The following LRRK1 variants were observed in gnomAD, a reference collection of about 807,000 sequenced individuals.
The protein encoded by LRRK1 is leucine rich repeat kinase 1.
In LRRK1, 113 loss-of-function variants were observed where a neutral mutation model predicts 209.1. That is an observed-to-expected ratio of 0.54 (90% CI 0.46 to 0.63). The LOEUF is 0.63. Ranked by LOEUF, LRRK1 falls within the 30% of genes least tolerant of loss-of-function variation. The probability of loss-of-function intolerance (pLI) is 0.00; values close to 1 mark genes in which losing one functional copy is unlikely to be tolerated. For missense variants in LRRK1, 2,284 were observed against 2,632.2 expected, an observed-to-expected ratio of 0.87 and a Z score of 2.89; for synonymous variants, 1,144 against 1,099.7, an observed-to-expected ratio of 1.04 and a Z score of -0.80.
intron 6 of LRRK1, among the ~76,000 whole-genome samples, chr15:101,000,306 CT>C (rs56086100): frequency 0.25 from 37,786 of 152,114 alleles, 4,980 homozygotes; most frequent in East Asian, 0.51. Context: ...AGCAGGAATG[CT>C]TTTGGCTTTC....
rs2036681825 is a variant in LRRK1, at chr15:101,068,998, A to C, written c.*150A>C. ...TGCTGCTAAGAAGTGCTGAGAAGTT[A>C]CTCGCCTGGCGGTGGCTCCAGGGTT... On this transcript the variant is annotated 3_prime_UTR_variant, in exon 34 of 34. Coordinates refer to ENST00000388948, the MANE Select transcript of LRRK1 (RefSeq NM_024652.6). The C allele has an allele frequency of 1.4e-6, 1 of 739,642 alleles. No homozygotes were observed. The highest frequency in any genetic ancestry group is 2.0e-6 in the Non-Finnish European group (1 of 494,532). 45.8% of individuals were successfully genotyped at this position (739,642 alleles called of 1,614,324 possible).
chr15:101,054,166 C>G (rs779182311), intron 26 of LRRK1, among the ~76,000 whole-genome samples: 1 of 152,246 alleles, frequency 6.6e-6, no homozygotes, highest in African/African-American at 2.4e-5. Context: ...GTAGAGATGG[C>G]CTTTCACCCT....
rs2033942417 is a variant in LRRK1, at chr15:101,024,708, A to G, written c.2068-95A>G. 3 of 1,335,574 alleles carry G rather than the reference A, an allele frequency of 2.2e-6. No individual in the cohort carries two copies. The highest frequency in any genetic ancestry group is 3.1e-6 in the Non-Finnish European group (3 of 965,080). The allele number at this position is 1,335,574 out of a possible 1,614,324, so 82.7% of individuals were successfully genotyped here. The stretch of plus-strand genomic sequence containing the variant: ...CCACGGTTGTTTTTTCAGACCCCCG[A>G]GTCCAGCCTCCAGAGTTATCCGTTG... On this transcript the variant is annotated intron_variant, in intron 15 of 33. Coordinates refer to ENST00000388948, the MANE Select transcript of LRRK1 (RefSeq NM_024652.6). This position sits in a 1 kb window ranked among gnomAD's most constrained non-coding sequence, Gnocchi z 4.6.
intron 2 of LRRK1, among the ~76,000 whole-genome samples, chr15:100,951,211 T>C (rs2042644800): frequency 6.6e-6 from 1 of 152,204 alleles, no homozygotes; most frequent in Admixed American, 6.5e-5. Flanking sequence ...TTAATCATTA[T>C]GGAAATGCGA....
Position 101,022,191 on chromosome 15 carries a change from T to C in LRRK1, c.1853-192T>C. ...TCCTGGGCAGCAAGGATTTTGTCCA[T>C]AGGTTCTTGCCTCTTAGAGTTCGCT... On this transcript the variant is annotated intron_variant, in intron 14 of 33. Transcript: ENST00000388948. This position sits in a 1 kb window ranked among gnomAD's most constrained non-coding sequence, Gnocchi z 4.0. The C allele has an allele frequency of 3.1e-6, 2 of 647,222 alleles. No homozygotes were observed. The highest frequency in any genetic ancestry group is 3.9e-5 in the South Asian group (2 of 51,200). 40.1% of individuals were successfully genotyped at this position (647,222 alleles called of 1,614,324 possible).
intron 2 of LRRK1, among the ~76,000 whole-genome samples, chr15:100,946,241 AG>A (rs1417563421): frequency 6.6e-6 from 1 of 152,234 alleles, no homozygotes; most frequent in African/African-American, 2.4e-5. Context: ...ACATGGAAAA[AG>A]TATAATAAAT....
intron 6 of LRRK1, among the ~76,000 whole-genome samples, chr15:101,003,430 C>T (rs570849586): frequency 7.2e-5 from 11 of 152,252 alleles, no homozygotes; most frequent in African/African-American, 2.4e-4. Flanking sequence ...GTATTATTCT[C>T]TTTTTACACT....
At chr15:101,041,088 T>C (rs2034732426) in intron 20 of LRRK1, among the ~76,000 whole-genome samples, 1 of 152,256 alleles carries the variant, frequency 6.6e-6, no homozygotes, top group Non-Finnish European at 1.5e-5. Context: ...TGGTTACATA[T>C]ACACATTGGT....
rs1429099011 is a variant in LRRK1 at position 100,951,007 on chromosome 15, G to C, written c.98-22797G>C. On this transcript the variant is annotated intron_variant, in intron 2 of 33. Coordinates refer to ENST00000388948, the MANE Select transcript of LRRK1 (RefSeq NM_024652.6). ...AGTCCCAGCTATTTGGGAGGCTGAG[G>C]CAGGAGAATGGCGTGAACCCGGGAG... Among the ~76,000 whole-genome samples the C allele has an allele frequency of 3.3e-5, 5 of 152,216 alleles. No individual in the cohort carries two copies. In the East Asian group the frequency reaches 7.7e-4, roughly 23 times the overall value.
intron 2 of LRRK1, among the ~76,000 whole-genome samples, 154 bp downstream of exon 2, chr15:100,924,883 C>G (rs113298274): frequency 0.011 from 1,702 of 152,214 alleles, 37 homozygotes; most frequent in African/African-American, 0.039. Context: ...TATCTTGGGA[C>G]TCTTAAATTC....
chr15:101,058,251 T>C, intron 29 of LRRK1, 110 bp downstream of exon 29: 1 of 1,136,830 alleles, frequency 8.8e-7, no homozygotes. Flanking sequence ...TAGCAGACGG[T>C]AGGGTCCAGA....
rs1462101216 is a variant in LRRK1 at position 100,926,584 on chromosome 15, G to A, written c.97+1855G>A. Among the ~76,000 whole-genome samples the A allele has an allele frequency of 3.4e-4, 22 of 65,152 alleles. 1 individual carries two copies. Among genetic ancestry groups the A allele is most frequent in the African/African-American group, 1.2e-4 (2 of 17,160 alleles). 42.7% of individuals were successfully genotyped at this position (65,152 alleles called of 152,430 possible). On this transcript the variant is annotated intron_variant, in intron 2 of 33. Coordinates refer to ENST00000388948, the MANE Select transcript of LRRK1 (RefSeq NM_024652.6). ...CCTGGCACCACCTGGACCCACTGGA[G>A]CAGCATCTTGGGGCAGGGGGGCGGG...
At chr15:100,953,915 TTTG>T (rs991760055) in intron 2 of LRRK1, among the ~76,000 whole-genome samples, 1 of 151,868 alleles carries the variant, frequency 6.6e-6, no homozygotes, top group African/African-American at 2.4e-5. Context: ...GTTTGTTTGT[TTTG>T]TTGTTGTTGT....
In LRRK1 at chr15:101,062,703, C is replaced by G. The variant is rs910550341; in HGVS notation, c.4914+13C>G. 1.9e-6 allele frequency: 3 copies of G among 1,578,112 alleles called. No individual in the cohort carries two copies. In the African/African-American group the frequency reaches 4.0e-5, roughly 21 times the overall value. On this transcript the variant is annotated intron_variant, in intron 31 of 33. Coordinates refer to ENST00000388948, the MANE Select transcript of LRRK1 (RefSeq NM_024652.6). Reference sequence around the variant, plus strand: ...TGTTATTAAAAAGGTGAGGTCGGGGCAAAGGCAGGTATGCAGGTCTCTGAT... The same window carrying G: ...TGTTATTAAAAAGGTGAGGTCGGGGGAAAGGCAGGTATGCAGGTCTCTGAT...
chr15:100,922,828 C>G lies in LRRK1; in HGVS notation c.-122-1683C>G, dbSNP rs189467235. 2.3e-5 allele frequency among the ~76,000 whole-genome samples: 3 copies of G among 129,078 alleles called. No homozygotes were observed. In the East Asian group the frequency reaches 5.9e-4, roughly 25 times the overall value. 84.7% of individuals were successfully genotyped at this position (129,078 alleles called of 152,430 possible). A position where few individuals can be genotyped will look rare whatever the true frequency, so the allele number is the denominator to read the frequency against. ...CCACACGTGGTTTGTGTCGACCATC[C>G]CTTTTGCCTCTGAAACATGTGCAGC... On this transcript the variant is annotated intron_variant, in intron 1 of 33. Transcript: ENST00000388948.
At chr15:101,008,673 C>A (rs768024459) in intron 6 of LRRK1, among the ~76,000 whole-genome samples, 164 bp from the exon 7 acceptor site, 6 of 152,226 alleles carry the variant, frequency 3.9e-5, no homozygotes, top group Non-Finnish European at 8.8e-5. Context: ...CACCCACCAC[C>A]GTGGCAGGTG....
chr15:100,947,655 A>G (rs1191959596), intron 2 of LRRK1, among the ~76,000 whole-genome samples: 2 of 152,212 alleles, frequency 1.3e-5, no homozygotes, highest in African/African-American at 4.8e-5. Flanking sequence ...GCAGAAACGC[A>G]TATGCATTTC....
chr15:100,988,739 C>T lies in LRRK1; in HGVS notation c.539C>T (p.Pro180Leu), dbSNP rs554667646. ...KLLVLTHGAD[P>L]ESYAVRKNEF... ...CTGGTCCTGACGCACGGGGCTGACCCGGAGAGCTACGCTGTCAGGAAGAAT... is the reference window on the plus strand; with the variant it reads ...CTGGTCCTGACGCACGGGGCTGACCTGGAGAGCTACGCTGTCAGGAAGAAT... The change falls in exon 5 of 34, where the codon CCG becomes CTG. Residue 180 changes from proline (P) to leucine (L), a missense_variant. Around this residue, in one of 6 missense-constraint regions of LRRK1, gnomAD observed 134 missense variants for 191.7 expected, o/e 0.70. Transcript: ENST00000388948. 1.9e-5 allele frequency: 31 copies of T among 1,614,110 alleles called. No homozygotes were observed. The highest frequency in any genetic ancestry group is 1.7e-4 in the Middle Eastern group (1 of 6,060).
At position 101,065,678 on chromosome 15, in the gene LRRK1, G is replaced by A. The variant is rs767008940; in HGVS notation, c.5241G>A (p.Gly1747=). Residue 1747 remains glycine, a synonymous_variant, in exon 32 of 34, where the codon GGG becomes GGA. Coordinates refer to ENST00000388948, the MANE Select transcript of LRRK1 (RefSeq NM_024652.6). ...TSVVCSSEGR[G]EEVVWCLDDK... ...TCGTGTGCAGCTCTGAGGGCAGAGG[G>A]GAGGAGGTCGTCTGGTGCCTGGATG... 2.5e-6 allele frequency: 4 copies of A among 1,614,050 alleles called. No individual in the cohort carries two copies. The East Asian group carries it at 6.7e-5, about 27-fold the overall frequency.
Sources: gnomAD v4.1 joint callset for allele counts (sites outside exome capture counted in the v4.1 genomes callset) on GRCh38, gnomAD v4.1.1 for gene constraint, gnomAD v4.1.1 regional missense constraint, Gnocchi (gnomAD v3.1) non-coding constraint, MANE v1.5 for transcripts, NCBI Gene and HGNC (gene_info 2026-07-23, HGNC 2026-07-21) for gene names.